The following EPB41 variants were observed in gnomAD, a reference collection of about 807,000 sequenced individuals.
EPB41 encodes the protein protein 4.1.
A neutral mutation model predicts 108.0 loss-of-function variants in EPB41; 65 were observed. The observed-to-expected ratio is 0.60, with a 90% confidence interval of 0.49 to 0.74. EPB41 has a LOEUF of 0.74. Among genes scored for constraint, EPB41 ranks in the 30% least tolerant of loss-of-function variants. EPB41 has a pLI of 0.00. For missense variants in EPB41, 875 were observed against 1,037.0 expected, an observed-to-expected ratio of 0.84 and a Z score of 2.15; for synonymous variants, 336 against 358.9, an observed-to-expected ratio of 0.94 and a Z score of 0.72.
chr1:29,088,816 G>A (rs1034983510), intron 16 of EPB41, among the ~76,000 whole-genome samples: 5 of 152,144 alleles, frequency 3.3e-5, no homozygotes, highest in Non-Finnish European at 7.3e-5. Context: ...AGCATAATAG[G>A]ACATGTCCTG....
At chr1:29,017,976 AT>A (rs930889414) in intron 6 of EPB41, among the ~76,000 whole-genome samples, 59 of 152,078 alleles carry the variant, frequency 3.9e-4, no homozygotes, top group Admixed American at 1.5e-3. Flanking sequence ...TAGTTACAGT[AT>A]TTTTTTTAAG....
At chr1:28,959,065 A>G (rs373672986) in intron 1 of EPB41, among the ~76,000 whole-genome samples, 14 of 151,884 alleles carry the variant, frequency 9.2e-5, no homozygotes, top group Admixed American at 8.5e-4. Flanking sequence ...AGGGAAGTGC[A>G]GGCTGTTTTA....
intron 17 of EPB41, among the ~76,000 whole-genome samples, chr1:29,101,148 C>G (rs764959023): frequency 6.6e-6 from 1 of 150,788 alleles, no homozygotes; most frequent in Non-Finnish European, 1.5e-5. Context: ...CGCTTGAACC[C>G]GGGAGGTGGA....
In EPB41 at chr1:29,030,380, A is replaced by G; in HGVS notation, c.1125-20A>G. ...GACACTATAACACTGAAAGAATTTT[A>G]TGTTTTTATTCTATCAAAGGTCCAT... On this transcript the variant is annotated intron_variant, in intron 7 of 20. Transcript: ENST00000343067. 1 of 1,600,718 alleles carries G rather than the reference A, an allele frequency of 6.2e-7. No individual in the cohort carries two copies. The highest frequency in any genetic ancestry group is 1.1e-5 in the South Asian group (1 of 90,800).
At chr1:29,047,128 A>C (rs531226892) in intron 11 of EPB41, among the ~76,000 whole-genome samples, 9 of 152,204 alleles carry the variant, frequency 5.9e-5, no homozygotes, top group African/African-American at 2.2e-4. Flanking sequence ...CTGGTCCTAG[A>C]GATCTCACTG....
rs1460968843 is a variant in EPB41 at position 29,036,217 on chromosome 1, G to A, written c.1463+294G>A. ...CATTAATTGTAGCTAAAGTCAGTCCGATTAAGGGGAGTTACCCTCACTTAC... is the reference window on the plus strand; with the variant it reads ...CATTAATTGTAGCTAAAGTCAGTCCAATTAAGGGGAGTTACCCTCACTTAC... On this transcript the variant is annotated intron_variant, in intron 10 of 20. Transcript: ENST00000343067. Among the ~76,000 whole-genome samples the A allele has an allele frequency of 3.3e-5, 5 of 150,940 alleles. No homozygotes were observed. The East Asian group carries it at 9.7e-4, about 29-fold the overall frequency.
intron 1 of EPB41, chr1:28,982,746 T>G: frequency 4.1e-6 from 2 of 486,810 alleles, no homozygotes; most frequent in Admixed American, 6.5e-5. Context: ...ACACCTTGTC[T>G]GCTCATAACT....
chr1:28,977,758 C>CGAGGAACATGACTGCATGGCATTTGTCTG (rs2095641913), intron 1 of EPB41, among the ~76,000 whole-genome samples: 2 of 152,192 alleles, frequency 1.3e-5, no homozygotes, highest in African/African-American at 4.8e-5. Context: ...ATTTGTAACA[C>CGAGGAACATGACTGCATGGCATTTGTCTG]GAGGAACATG....
Position 29,057,373 on chromosome 1 carries a change from C to CAAAA in EPB41, c.1846-1196_1846-1193dup, listed in dbSNP as rs72047998. 1.6e-3 allele frequency among the ~76,000 whole-genome samples: 101 copies of CAAAA among 65,146 alleles called. 2 individuals carry two copies. Among genetic ancestry groups the CAAAA allele is most frequent in the South Asian group, 1.6e-3 (2 of 1,280 alleles). 42.7% of individuals were successfully genotyped at this position (65,146 alleles called of 152,430 possible). On this transcript the variant is annotated intron_variant, in intron 12 of 20. Transcript: ENST00000343067. ...TGGGCGACAGAGTGAGACTCTGTCT[C>CAAAA]AAAAAAAAAAAAAAAAAAAAAAAGA...
chr1:29,028,066 C>T (rs1176753486), intron 7 of EPB41, among the ~76,000 whole-genome samples: 1 of 152,092 alleles, frequency 6.6e-6, no homozygotes, highest in Non-Finnish European at 1.5e-5. Context: ...TCAGGTGATC[C>T]GCCTGCCTCG....
chr1:29,073,211 C>T (rs960020171), intron 16 of EPB41: 3 of 151,362 alleles, frequency 2.0e-5, no homozygotes, highest in African/African-American at 7.3e-5. Flanking sequence ...TACCCTGATT[C>T]AGCTTCTTAA....
chr1:29,054,368 A>G (rs1161570441), intron 12 of EPB41: 1 of 152,190 alleles, frequency 6.6e-6, no homozygotes, highest in Admixed American at 6.5e-5. Flanking sequence ...CATAAGAAGA[A>G]TTACATTTTT....
At chr1:28,993,005 G>T (rs1448919354) in intron 2 of EPB41, among the ~76,000 whole-genome samples, 1 of 152,150 alleles carries the variant, frequency 6.6e-6, no homozygotes, top group East Asian at 1.9e-4. Context: ...AGACAATAAC[G>T]TTTTTGTTAA....
chr1:29,055,653 A>G (rs751067639), intron 12 of EPB41, among the ~76,000 whole-genome samples: 9 of 151,146 alleles, frequency 6.0e-5, no homozygotes, highest in Non-Finnish European at 1.2e-4. Flanking sequence ...CATAGCAGTT[A>G]GAAAATAACT....
At chr1:28,997,544 T>C (rs2096208445) in intron 4 of EPB41, among the ~76,000 whole-genome samples, 2 of 152,164 alleles carry the variant, frequency 1.3e-5, no homozygotes, top group Admixed American at 1.3e-4. Context: ...GTATATATTG[T>C]ATGTTTTTAC....
chr1:28,942,023 A>T (rs140855115), intron 1 of EPB41, among the ~76,000 whole-genome samples: 1 of 152,252 alleles, frequency 6.6e-6, no homozygotes, highest in East Asian at 1.9e-4. Context: ...CCGTAATCCT[A>T]TTAATGCTAA....
chr1:29,104,354 A>AC (rs1320155827), intron 17 of EPB41, among the ~76,000 whole-genome samples: 3 of 152,092 alleles, frequency 2.0e-5, no homozygotes, highest in Admixed American at 1.3e-4. Flanking sequence ...ACATGGTCAG[A>AC]GGGGATAGTT....
chr1:29,039,387 C>CACTAGCTT lies in EPB41; in HGVS notation c.1597_1598insACTAGCTT (p.Arg533HisfsTer2), dbSNP rs1640657450. ...TGACAGGCCTGCCCCACACTTCGAGCGTACAGCAAGTAAACGGGCGTCCCG... is the reference window on the plus strand; with the variant it reads ...TGACAGGCCTGCCCCACACTTCGAGCACTAGCTTGTACAGCAAGTAAACGGGCGTCCCG... On this transcript the variant is annotated stop_gained and frameshift_variant, in exon 11 of 21. Coordinates refer to ENST00000343067, the MANE Select transcript of EPB41 (RefSeq NM_001376013.1). LOFTEE classifies it high-confidence loss of function. 6.2e-7 allele frequency: 1 copy of CACTAGCTT among 1,613,916 alleles called. No individual in the cohort carries two copies. The highest frequency in any genetic ancestry group is 8.5e-7 in the Non-Finnish European group (1 of 1,180,028).
intron 16 of EPB41, among the ~76,000 whole-genome samples, chr1:29,094,514 G>A (rs1662512628): frequency 6.6e-6 from 1 of 152,146 alleles, no homozygotes; most frequent in Non-Finnish European, 1.5e-5. Flanking sequence ...GACCTCAGGT[G>A]ATCTGTGCCT....
Sources: gnomAD v4.1 joint callset for allele counts (sites outside exome capture counted in the v4.1 genomes callset) on GRCh38, gnomAD v4.1.1 for gene constraint, MANE v1.5 for transcripts, NCBI Gene and HGNC (gene_info 2026-07-23, HGNC 2026-07-21) for gene names.